ESR2: variants seen among roughly 807,000 people sequenced by gnomAD.
ESR2 encodes the protein estrogen receptor 2, also known as estrogen receptor beta.
A neutral mutation model predicts 49.6 loss-of-function variants in ESR2; 36 were observed. The ratio of observed to expected loss-of-function variants is 0.73; its 90% CI spans 0.56 to 0.96. The LOEUF (loss-of-function observed/expected upper bound fraction) is 0.96, where lower values mean the gene tolerates loss of function less well. Among genes scored for constraint, ESR2 ranks in the 40% least tolerant of loss-of-function variants. The pLI is 0.00. For missense variants in ESR2, 714 were observed against 693.0 expected (o/e 1.03, Z -0.34); for synonymous variants, 320 against 266.1 (o/e 1.20, Z -1.97).
chr14:64,312,677 A>T (rs1025573858), intron 1 of ESR2, among the ~76,000 whole-genome samples: 1 of 152,122 alleles, frequency 6.6e-6, no homozygotes, highest in Admixed American at 6.6e-5. Context: ...TGTTGTGCTT[A>T]TTTGGGAGAG....
At chr14:64,323,943 C>T (rs1475871282) in intron 1 of ESR2, among the ~76,000 whole-genome samples, 3 of 152,224 alleles carry the variant, frequency 2.0e-5, no homozygotes, top group Non-Finnish European at 2.9e-5. Flanking sequence ...CAGCCCACCT[C>T]AGCCTCCCAA....
intron 7 of ESR2, among the ~76,000 whole-genome samples, chr14:64,245,651 T>C (rs2075839598): frequency 6.6e-6 from 1 of 152,108 alleles, no homozygotes; most frequent in Non-Finnish European, 1.5e-5. Flanking sequence ...GGCAGTTCTG[T>C]CATGCTGCAG....
chr14:64,284,866 T>C (rs74384247), intron 1 of ESR2, among the ~76,000 whole-genome samples: 1 of 151,750 alleles, frequency 6.6e-6, no homozygotes, highest in Non-Finnish European at 1.5e-5. Flanking sequence ...TTTTTTTTTT[T>C]TGAGACGGAG....
rs1209633325 is a variant in ESR2 at position 64,281,571 on chromosome 14, TATG to T, written c.362+1050_362+1052del. Among the ~76,000 whole-genome samples, 5 of 152,232 alleles carry T rather than the reference TATG, an allele frequency of 3.3e-5. No homozygotes were observed. In the South Asian group the frequency reaches 6.2e-4, roughly 19 times the overall value. On this transcript the variant is annotated intron_variant, in intron 2 of 8. Transcript: ENST00000341099. ...GTGCAATGTTACTGTCTCAAAGTTTTATGATAATATTTGAAAGTAGTGAATTTC... is the reference window on the plus strand; with the variant it reads ...GTGCAATGTTACTGTCTCAAAGTTTTATAATATTTGAAAGTAGTGAATTTC...
chr14:64,300,837 T>A (rs61984420), intron 1 of ESR2, among the ~76,000 whole-genome samples: 9,353 of 152,276 alleles, frequency 0.061, 350 homozygotes, highest in Non-Finnish European at 0.075. Flanking sequence ...CTTGCCCTCA[T>A]GCATTTATCT....
chr14:64,253,618 GTATA>G (rs748150831), intron 6 of ESR2, among the ~76,000 whole-genome samples: 1 of 147,524 alleles, frequency 6.8e-6, no homozygotes, highest in African/African-American at 2.5e-5. Flanking sequence ...GTATGTGTGT[GTATA>G]TATATATATA....
intron 1 of ESR2, among the ~76,000 whole-genome samples, chr14:64,322,509 C>T (rs2077336617): frequency 7.5e-6 from 1 of 132,682 alleles, no homozygotes; most frequent in Admixed American, 7.7e-5. Context: ...ACCTTATCTC[C>T]ACAGAAAGGA....
chr14:64,322,757 T>A (rs908161593), intron 1 of ESR2, among the ~76,000 whole-genome samples: 1 of 152,192 alleles, frequency 6.6e-6, no homozygotes, highest in African/African-American at 2.4e-5. Context: ...ATACGCACTG[T>A]GACCCTATCA....
chr14:64,287,037 T>G (rs2076795831), intron 1 of ESR2, among the ~76,000 whole-genome samples: 1 of 151,660 alleles, frequency 6.6e-6, no homozygotes, highest in African/African-American at 2.4e-5. Flanking sequence ...TTTTTTTTTT[T>G]CTTTTTTAAT....
In ESR2 at chr14:64,315,476, T is replaced by G. The variant is rs191849431; in HGVS notation, c.-91+22422A>C. ...AGTAGGTTATCTTTTTTTAATGTTT[T>G]ATTTATTTATTTTTTTGAGACAGAG... On this transcript the variant is annotated intron_variant, in intron 1 of 8. Coordinates refer to the ESR2 transcript ENST00000358599. Among the ~76,000 whole-genome samples, 115 of 152,062 alleles carry G rather than the reference T, an allele frequency of 7.6e-4. 3 individuals carry two copies. Among genetic ancestry groups the G allele is most frequent in the Non-Finnish European group, 2.5e-4 (17 of 67,970 alleles).
At chr14:64,302,200 A>ATTTATTTT (rs1330632331) in intron 1 of ESR2, among the ~76,000 whole-genome samples, 8 of 146,786 alleles carry the variant, frequency 5.5e-5, no homozygotes, top group Admixed American at 2.1e-4. Context: ...TTATTTATTT[A>ATTTATTTT]TTTTTTGAGA....
chr14:64,278,838 T>TC (rs2076608171), intron 3 of ESR2, among the ~76,000 whole-genome samples: 1 of 152,114 alleles, frequency 6.6e-6, no homozygotes, highest in South Asian at 2.1e-4. Flanking sequence ...AATGGGTCCC[T>TC]CCTCTTGGCC....
intron 1 of ESR2, among the ~76,000 whole-genome samples, chr14:64,288,326 A>G (rs2076814332): frequency 6.7e-6 from 1 of 149,964 alleles, no homozygotes. Flanking sequence ...AAATGGCAGA[A>G]AAACACTCCA....
intron 1 of ESR2, among the ~76,000 whole-genome samples, chr14:64,306,712 G>A (rs1567793376): frequency 1.3e-5 from 2 of 152,176 alleles, no homozygotes; most frequent in South Asian, 4.1e-4. Flanking sequence ...TTGCACCTGT[G>A]TTCCTGAAGA....
At chr14:64,295,381 C>T (rs1053597700), upstream of ESR2, among the ~76,000 whole-genome samples, 2 of 152,106 alleles carry the variant, frequency 1.3e-5, no homozygotes, top group South Asian at 2.1e-4. Flanking sequence ...AATAGAGAGA[C>T]GCAAGTGTGC....
intron 6 of ESR2, 67 bp downstream of exon 6, chr14:64,257,159 T>C: frequency 6.8e-7 from 1 of 1,474,992 alleles, no homozygotes; most frequent in Non-Finnish European, 9.5e-7. Context: ...ACCCAGGACT[T>C]TGTTCCCACT....
At chr14:64,322,145 G>A (rs1432245646) in intron 1 of ESR2, among the ~76,000 whole-genome samples, 2 of 152,030 alleles carry the variant, frequency 1.3e-5, no homozygotes, top group African/African-American at 2.4e-5. Context: ...TGCAACCTCC[G>A]CCTCCTGGGT....
At chr14:64,252,452 T>C (rs1217201708) in intron 6 of ESR2, among the ~76,000 whole-genome samples, 2 of 152,170 alleles carry the variant, frequency 1.3e-5, no homozygotes, top group African/African-American at 2.4e-5. Context: ...AAATCAGTAA[T>C]AACATGGAAT....
intron 1 of ESR2, among the ~76,000 whole-genome samples, chr14:64,286,203 G>A (rs538561935): frequency 6.6e-6 from 1 of 152,272 alleles, no homozygotes; most frequent in East Asian, 1.9e-4. Context: ...AAGGAGAGGA[G>A]AGAGAATGGT....
Sources: allele counts gnomAD v4.1 joint callset (sites outside exome capture counted in the v4.1 genomes callset), GRCh38; gene constraint gnomAD v4.1.1; transcripts MANE v1.5; gene names NCBI Gene and HGNC (gene_info 2026-07-23, HGNC 2026-07-21).